The following XRCC4 variants were observed in gnomAD, a reference collection of about 807,000 sequenced individuals.
XRCC4 encodes DNA repair protein XRCC4.
Under a neutral mutation model 39.1 loss-of-function variants are expected in XRCC4, and 28 were observed. The ratio of observed to expected loss-of-function variants is 0.72; its 90% CI spans 0.53 to 0.98. XRCC4 has a LOEUF of 0.98. Ranked by LOEUF, XRCC4 falls within the 50% of genes least tolerant of loss-of-function variation. The pLI, the probability that XRCC4 is intolerant of heterozygous loss-of-function variation, is 0.00. For missense variants in XRCC4, 350 were observed against 376.4 expected (o/e 0.93, Z 0.58); for synonymous variants, 123 against 126.4 (o/e 0.97, Z 0.18).
At chr5:83,298,357 T>C (rs1291305179) in intron 7 of XRCC4, among the ~76,000 whole-genome samples, 1 of 151,990 alleles carries the variant, frequency 6.6e-6, no homozygotes, top group East Asian at 1.9e-4. Flanking sequence ...GTTTATCCTA[T>C]GAAAAGAAAT....
chr5:83,086,867 T>C (rs1341105082), intron 1 of XRCC4, among the ~76,000 whole-genome samples: 1 of 152,228 alleles, frequency 6.6e-6, no homozygotes, highest in Non-Finnish European at 1.5e-5. Context: ...CCCTTAGATA[T>C]TAAATCAGAC....
chr5:83,326,494 T>C (rs1467550718), intron 7 of XRCC4, among the ~76,000 whole-genome samples: 1 of 152,078 alleles, frequency 6.6e-6, no homozygotes, highest in Non-Finnish European at 1.5e-5. Flanking sequence ...AAAGAAATTT[T>C]AAAATCCTTC....
intron 6 of XRCC4, among the ~76,000 whole-genome samples, chr5:83,250,372 G>A (rs1378668311): frequency 6.6e-6 from 1 of 152,096 alleles, no homozygotes; most frequent in African/African-American, 2.4e-5. Flanking sequence ...TCACACAGAT[G>A]CAAAATAACT....
At chr5:83,154,457 A>G (rs1580301574) in intron 3 of XRCC4, among the ~76,000 whole-genome samples, 1 of 152,314 alleles carries the variant, frequency 6.6e-6, no homozygotes, top group Admixed American at 6.5e-5. Context: ...AAATATTCCC[A>G]AATCTGAAAG....
intron 3 of XRCC4, among the ~76,000 whole-genome samples, chr5:83,113,612 A>G (rs1279483795): frequency 6.6e-6 from 1 of 150,886 alleles, no homozygotes; most frequent in East Asian, 2.0e-4. Flanking sequence ...TGGACATCCA[A>G]ACATTTCTTT....
intron 3 of XRCC4, among the ~76,000 whole-genome samples, chr5:83,142,928 C>A (rs1250153028): frequency 1.3e-5 from 2 of 152,124 alleles, no homozygotes; most frequent in Non-Finnish European, 2.9e-5. Flanking sequence ...CCTTGATTAG[C>A]ATAAATATTT....
At chr5:83,125,469 G>A (rs749980325) in intron 3 of XRCC4, among the ~76,000 whole-genome samples, 83 of 152,284 alleles carry the variant, frequency 5.5e-4, no homozygotes, top group Admixed American at 1.1e-3. Flanking sequence ...TAAAGTATGA[G>A]GTTGAGGTTC....
At chr5:83,179,799 A>C (rs1207386295) in intron 3 of XRCC4, among the ~76,000 whole-genome samples, 2 of 152,142 alleles carry the variant, frequency 1.3e-5, no homozygotes, top group East Asian at 1.9e-4. Flanking sequence ...GTCAACCTGG[A>C]TTATAAGGTG....
At chr5:83,217,699 A>T (rs1405914827) in intron 6 of XRCC4, among the ~76,000 whole-genome samples, 1 of 152,152 alleles carries the variant, frequency 6.6e-6, no homozygotes, top group Admixed American at 6.5e-5. Flanking sequence ...ACTTCAATGA[A>T]TGCCTTCTCT....
At chr5:83,316,295 T>C (rs1262345253) in intron 7 of XRCC4, among the ~76,000 whole-genome samples, 1 of 152,144 alleles carries the variant, frequency 6.6e-6, no homozygotes, top group Non-Finnish European at 1.5e-5. Context: ...CTGCATCAAC[T>C]AACGAGCAAA....
chr5:83,093,162 G>A (rs1321498362), intron 1 of XRCC4, among the ~76,000 whole-genome samples: 3 of 152,054 alleles, frequency 2.0e-5, no homozygotes, highest in Admixed American at 6.6e-5. Flanking sequence ...ATCAGCAGAA[G>A]TAGCAATACT....
intron 6 of XRCC4, among the ~76,000 whole-genome samples, chr5:83,205,714 G>A (rs544706701): frequency 1.3e-5 from 2 of 152,226 alleles, no homozygotes; most frequent in Middle Eastern, 3.4e-3. Flanking sequence ...TTAAATTGTA[G>A]TCAGGGAAAC....
intron 3 of XRCC4, among the ~76,000 whole-genome samples, chr5:83,190,996 T>C (rs1750668523): frequency 1.3e-5 from 2 of 152,154 alleles, no homozygotes; most frequent in South Asian, 4.1e-4. Context: ...TATAGTTTCT[T>C]AATGAGGATT....
At chr5:83,322,485 ACTCC>A (rs1756109295) in intron 7 of XRCC4, among the ~76,000 whole-genome samples, 1 of 151,742 alleles carries the variant, frequency 6.6e-6, no homozygotes, top group South Asian at 2.1e-4. Context: ...CTGAATAACC[ACTCC>A]CTCCATCTCC....
At chr5:83,278,422 G>T (rs1045826268) in intron 7 of XRCC4, among the ~76,000 whole-genome samples, 2 of 152,124 alleles carry the variant, frequency 1.3e-5, no homozygotes, top group Non-Finnish European at 2.9e-5. Flanking sequence ...CACAGTCTGG[G>T]TCATTTATAG....
chr5:83,209,743 C>T (rs1751567897), intron 6 of XRCC4, among the ~76,000 whole-genome samples: 1 of 151,578 alleles, frequency 6.6e-6, no homozygotes, highest in Admixed American at 6.6e-5. Context: ...ATAGAGTTGA[C>T]AATATTTATT....
intron 3 of XRCC4, among the ~76,000 whole-genome samples, chr5:83,191,967 A>G (rs1750715889): frequency 6.6e-6 from 1 of 152,156 alleles, no homozygotes; most frequent in South Asian, 2.1e-4. Context: ...GGAGTATGGC[A>G]TTTAATCTTG....
At chr5:83,250,898 TGTA>T (rs1242420057) in intron 6 of XRCC4, among the ~76,000 whole-genome samples, 6 of 152,214 alleles carry the variant, frequency 3.9e-5, no homozygotes, top group Admixed American at 3.9e-4. Context: ...ATTTGGGAAA[TGTA>T]GTAAACAGCT....
intron 3 of XRCC4, among the ~76,000 whole-genome samples, chr5:83,194,321 T>G (rs1240468768): frequency 1.3e-5 from 2 of 152,222 alleles, no homozygotes; most frequent in Non-Finnish European, 2.9e-5. Flanking sequence ...TCAAATTTAC[T>G]TTCAATTTAT....
Sources: allele counts gnomAD v4.1 joint callset (sites outside exome capture counted in the v4.1 genomes callset), GRCh38; gene constraint gnomAD v4.1.1; transcripts MANE v1.5; gene names NCBI Gene and HGNC (gene_info 2026-07-23, HGNC 2026-07-21).